The following TAF1 variants were observed in gnomAD, a reference collection of about 807,000 sequenced individuals.
TAF1 encodes the protein transcription initiation factor TFIID subunit 1.
A neutral mutation model predicts 138.5 loss-of-function variants in TAF1; 2 were observed. That is an observed-to-expected ratio of 0.01 (90% CI 0.01 to 0.05). TAF1 has a LOEUF of 0.05. TAF1 is among the 10% of genes least tolerant of loss of function. The pLI is 1.00. For synonymous variants in TAF1, 437 were observed against 503.2 expected, an observed-to-expected ratio of 0.87 and a Z score of 1.76; for missense variants, 709 against 1,478.0, an observed-to-expected ratio of 0.48 and a Z score of 8.53.
chrX:71,507,404 A>AT (rs2039647670), intron 13 of TAF1, among the ~76,000 whole-genome samples: 1 of 108,638 alleles, frequency 9.2e-6, no homozygotes, highest in South Asian at 4.0e-4. Context: ...CTAATTTTTA[A>AT]TTTTTTGTAG....
At chrX:71,421,969 AC>A in intron 29 of TAF1, among the ~76,000 whole-genome samples, 2 of 112,233 alleles carry the variant, frequency 1.8e-5, no homozygotes, top group East Asian at 5.5e-4. Flanking sequence ...GTCACTACAT[AC>A]CCACTGCAAA....
At chrX:71,441,737 A>T in intron 32 of TAF1, 1 of 260,017 alleles carries the variant, frequency 3.8e-6, no homozygotes, top group Non-Finnish European at 7.1e-6. Flanking sequence ...TTAAATATAT[A>T]TACATGTGCC....
intron 14 of TAF1, among the ~76,000 whole-genome samples, chrX:71,386,052 T>A (rs913794974): frequency 9.2e-6 from 1 of 109,160 alleles, no homozygotes; most frequent in Non-Finnish European, 1.9e-5. Flanking sequence ...TCCCAGCTAC[T>A]CGGGAGGCCG....
At chrX:71,529,508 G>C (rs930864275) in intron 14 of TAF1, 1 of 228,771 alleles carries the variant, frequency 4.4e-6, no homozygotes, top group Non-Finnish European at 8.1e-6. Flanking sequence ...AGTCCAGCTG[G>C]CTTCACCACT....
intron 27 of TAF1, 49 bp from the exon 28 acceptor site, chrX:71,407,925 C>T (rs373955133): frequency 1.6e-4 from 182 of 1,173,330 alleles, no homozygotes; most frequent in Non-Finnish European, 1.9e-4. Flanking sequence ...CAGGAATTGG[C>T]TCTGGCAACT....
chrX:71,384,200 ATGTACAAACTTTTT>A, intron 13 of TAF1, 65 bp downstream of exon 13: 1 of 1,141,159 alleles, frequency 8.8e-7, no homozygotes, highest in Non-Finnish European at 1.2e-6. Context: ...ATAAACTTTT[ATGTACAAACTTTTT>A]GTTATTAACA....
chrX:71,383,901 C>T (rs905254917), intron 12 of TAF1, 61 bp from the exon 13 acceptor site: 8 of 1,103,400 alleles, frequency 7.3e-6, no homozygotes, highest in African/African-American at 3.7e-5. Context: ...GATTGAACAA[C>T]GTCATTGTGT....
At chrX:71,367,078 T>G (rs2032581698) in intron 1 of TAF1, among the ~76,000 whole-genome samples, 3 of 112,047 alleles carry the variant, frequency 2.7e-5, no homozygotes, top group African/African-American at 9.7e-5. Flanking sequence ...CCCGTTTTCT[T>G]GAGGAGTGAA....
intron 14 of TAF1, among the ~76,000 whole-genome samples, chrX:71,386,129 C>A (rs1220037005): frequency 9.3e-6 from 1 of 107,892 alleles, no homozygotes; most frequent in Non-Finnish European, 1.9e-5. Context: ...CCATTGCACT[C>A]CAGCCTGGGC....
chrX:71,389,978 G>A (rs943404333), intron 18 of TAF1, among the ~76,000 whole-genome samples: 3 of 110,580 alleles, frequency 2.7e-5, no homozygotes, highest in Admixed American at 9.7e-5. Context: ...CAATTCTCGC[G>A]ATTCTCCTGC....
At position 71,457,911 on chromosome X, in the gene TAF1, T is replaced by C. The variant is rs773737783; in HGVS notation, c.4939-330T>C. Among the ~76,000 whole-genome samples, 8 of 112,516 alleles carry C rather than the reference T, an allele frequency of 7.1e-5. No homozygotes were observed. The South Asian group carries it at 3.0e-3, about 42-fold the overall frequency. On this transcript the variant is annotated intron_variant, in intron 34 of 37. Coordinates refer to ENST00000423759, the MANE Select transcript of TAF1 (RefSeq NM_004606.5). ...TCAAGCAATCAAAATAGCACTGATA[T>C]GAAGCCTTGGGCCTAAAAACCGAAA...
At chrX:71,468,124 GCA>G (rs1237597792), downstream of TAF1, among the ~76,000 whole-genome samples, 6 of 109,798 alleles carry the variant, frequency 5.5e-5, no homozygotes, top group Non-Finnish European at 1.1e-4. Context: ...GGGCATGGTG[GCA>G]CACACCTGTA....
intron 25 of TAF1, 33 bp from the exon 26 acceptor site, chrX:71,406,605 G>A (rs1214995624): frequency 1.7e-6 from 2 of 1,163,946 alleles, no homozygotes; most frequent in Non-Finnish European, 2.3e-6. Flanking sequence ...CTAGAAATAG[G>A]GGCTGTATCT....
intron 32 of TAF1, among the ~76,000 whole-genome samples, chrX:71,452,953 C>A (rs998618614): frequency 1.8e-5 from 2 of 111,699 alleles, no homozygotes; most frequent in Admixed American, 9.4e-5. Flanking sequence ...CGCAGGCACT[C>A]GGCAGGCTGA....
intron 28 of TAF1, among the ~76,000 whole-genome samples, chrX:71,412,261 A>G (rs1349415197): frequency 9.2e-6 from 1 of 109,267 alleles, no homozygotes; most frequent in Non-Finnish European, 1.9e-5. Flanking sequence ...AGTAGCTGGA[A>G]CCACAGGCGC....
At chrX:71,447,303 C>T (rs2037736679) in intron 32 of TAF1, among the ~76,000 whole-genome samples, 1 of 111,238 alleles carries the variant, frequency 9.0e-6, no homozygotes, top group Non-Finnish European at 1.9e-5. Context: ...GAAGAGTTCT[C>T]AAGGGAAACA....
At chrX:71,375,660 T>C (rs1275452267) in intron 4 of TAF1, among the ~76,000 whole-genome samples, 1 of 111,318 alleles carries the variant, frequency 9.0e-6, no homozygotes, top group Non-Finnish European at 1.9e-5. Flanking sequence ...TGAGAAAGAG[T>C]CTTGCTGTGT....
chrX:71,457,229 GTAACA>G (rs1290114729), intron 34 of TAF1, among the ~76,000 whole-genome samples: 14 of 112,100 alleles, frequency 1.2e-4, no homozygotes, highest in Non-Finnish European at 2.6e-4. Flanking sequence ...AAAACACAAT[GTAACA>G]CATATCTGTT....
chrX:71,374,524 A>C (rs2148198964), intron 3 of TAF1, among the ~76,000 whole-genome samples: 1 of 111,160 alleles, frequency 9.0e-6, no homozygotes, highest in Non-Finnish European at 1.9e-5. Flanking sequence ...ACTGCTCATC[A>C]AAGCCTTGAC....
Sources: allele counts gnomAD v4.1 joint callset (sites outside exome capture counted in the v4.1 genomes callset), GRCh38; gene constraint gnomAD v4.1.1; transcripts MANE v1.5; gene names NCBI Gene and HGNC (gene_info 2026-07-23, HGNC 2026-07-21).